The following PLCB1 variants were observed in gnomAD, a reference collection of about 807,000 sequenced individuals.
PLCB1 encodes the protein phospholipase C beta 1, also known as 1-phosphatidylinositol 4,5-bisphosphate phosphodiesterase beta-1.
Under a neutral mutation model 161.8 loss-of-function variants are expected in PLCB1, and 46 were observed. That is an observed-to-expected ratio of 0.28 (90% CI 0.22 to 0.36). PLCB1 has a LOEUF of 0.36. Ranked by LOEUF, PLCB1 falls within the 10% of genes least tolerant of loss-of-function variation. PLCB1 has a pLI of 1.00. For synonymous variants in PLCB1, 517 were observed against 503.7 expected, an observed-to-expected ratio of 1.03 and a Z score of -0.35; for missense variants, 1,016 against 1,472.5, an observed-to-expected ratio of 0.69 and a Z score of 5.07.
intron 2 of PLCB1, among the ~76,000 whole-genome samples, chr20:8,367,049 A>G (rs995942461): frequency 4.6e-5 from 7 of 152,210 alleles, no homozygotes; most frequent in African/African-American, 1.7e-4. Context: ...CTTGGATAGA[A>G]TATGATTTAA....
At chr20:8,384,625 G>C (rs1987367221) in intron 3 of PLCB1, among the ~76,000 whole-genome samples, 1 of 151,918 alleles carries the variant, frequency 6.6e-6, no homozygotes, top group Non-Finnish European at 1.5e-5. Context: ...GGTTTTCAGT[G>C]TTTTTTTGTT....
At chr20:8,800,088 T>C (rs930823773) in intron 31 of PLCB1, among the ~76,000 whole-genome samples, 5 of 152,202 alleles carry the variant, frequency 3.3e-5, no homozygotes, top group Non-Finnish European at 7.3e-5. Flanking sequence ...TACTAGATGC[T>C]TTGAGATATT....
intron 2 of PLCB1, among the ~76,000 whole-genome samples, chr20:8,171,494 CA>C (rs2051732831): frequency 6.6e-6 from 1 of 152,014 alleles, no homozygotes; most frequent in Non-Finnish European, 1.5e-5. Flanking sequence ...CTCTGAACCC[CA>C]TCTGCCTGGG....
intron 2 of PLCB1, among the ~76,000 whole-genome samples, chr20:8,348,260 C>A (rs1254895898): frequency 6.6e-6 from 1 of 152,176 alleles, no homozygotes. Flanking sequence ...ACAGAACATG[C>A]AACTTTTGCT....
At chr20:8,531,800 G>A (rs972004160) in intron 3 of PLCB1, among the ~76,000 whole-genome samples, 8 of 151,252 alleles carry the variant, frequency 5.3e-5, no homozygotes, top group African/African-American at 1.9e-4. Flanking sequence ...TGAAAAAGTT[G>A]TGATGATGTT....
At chr20:8,228,089 G>C (rs1013467869) in intron 2 of PLCB1, among the ~76,000 whole-genome samples, 9 of 152,104 alleles carry the variant, frequency 5.9e-5, no homozygotes, top group Non-Finnish European at 1.0e-4. Context: ...AACCTGGGTG[G>C]GGGAGGTTGT....
chr20:8,750,747 T>G (rs1981414723), intron 23 of PLCB1: 1 of 829,912 alleles, frequency 1.2e-6, no homozygotes, highest in Admixed American at 2.4e-5. Flanking sequence ...AAGCTCCTCC[T>G]TAAGGGAAAG....
intron 2 of PLCB1, among the ~76,000 whole-genome samples, chr20:8,358,234 C>T (rs569040678): frequency 6.7e-6 from 1 of 150,036 alleles, no homozygotes; most frequent in South Asian, 2.1e-4. Context: ...TGGCATGGCC[C>T]ATGGTTTGTC....
At chr20:8,572,058 T>C (rs1169001980) in intron 3 of PLCB1, among the ~76,000 whole-genome samples, 1 of 152,162 alleles carries the variant, frequency 6.6e-6, no homozygotes, top group Non-Finnish European at 1.5e-5. Flanking sequence ...TTATTACGAG[T>C]TTTAACATTC....
At chr20:8,141,089 C>T (rs918844177) in intron 1 of PLCB1, among the ~76,000 whole-genome samples, 12 of 152,120 alleles carry the variant, frequency 7.9e-5, no homozygotes, top group Non-Finnish European at 1.8e-4. Flanking sequence ...AGCCACCGAA[C>T]GTGGCCAACA....
intron 3 of PLCB1, among the ~76,000 whole-genome samples, chr20:8,407,188 TAAG>T (rs1978821735): frequency 6.6e-6 from 1 of 152,010 alleles, no homozygotes; most frequent in Non-Finnish European, 1.5e-5. Context: ...TGTGAGCAAA[TAAG>T]AAATCTTTCA....
intron 2 of PLCB1, among the ~76,000 whole-genome samples, chr20:8,287,440 C>G (rs1451186334): frequency 6.6e-6 from 1 of 152,110 alleles, no homozygotes; most frequent in African/African-American, 2.4e-5. Context: ...AATACCTCAT[C>G]TTGTCCCCAG....
At chr20:8,679,630 A>G (rs1023595326) in intron 9 of PLCB1, among the ~76,000 whole-genome samples, 1 of 152,144 alleles carries the variant, frequency 6.6e-6, no homozygotes, top group African/African-American at 2.4e-5. Flanking sequence ...CTTTAGGAGC[A>G]TTGTTTTTTC....
rs540810259 is a variant in PLCB1, at chr20:8,668,128, A to C, written c.862+9424A>C. Among the ~76,000 whole-genome samples the C allele has an allele frequency of 2.0e-5, 3 of 152,132 alleles. No individual in the cohort carries two copies. In the East Asian group the frequency reaches 5.8e-4, roughly 29 times the overall value. ...GATACAACAGATAAGTGGGAGGGAAATAGGTCGAATGCAGAAAAAAAAAAA... is the reference window on the plus strand; with the variant it reads ...GATACAACAGATAAGTGGGAGGGAACTAGGTCGAATGCAGAAAAAAAAAAA... On this transcript the variant is annotated intron_variant, in intron 9 of 31. Transcript: ENST00000338037.
At chr20:8,326,347 T>A (rs1253871605) in intron 2 of PLCB1, among the ~76,000 whole-genome samples, 5 of 152,208 alleles carry the variant, frequency 3.3e-5, no homozygotes. Flanking sequence ...ACCCATGTCC[T>A]GAGTGTAAGA....
chr20:8,223,322 A>G lies in PLCB1; in HGVS notation c.177+72951A>G, dbSNP rs2123167302. On this transcript the variant is annotated intron_variant, in intron 2 of 31. Transcript: ENST00000338037. Reference sequence around the variant, plus strand: ...CTGTAAGATCACTCTGTCCTGAGTAAGACTTGAAGACTCATTTTTACCATC... The same window carrying G: ...CTGTAAGATCACTCTGTCCTGAGTAGGACTTGAAGACTCATTTTTACCATC... 1.3e-5 allele frequency among the ~76,000 whole-genome samples: 2 copies of G among 152,262 alleles called. 1 individual carries two copies.
At chr20:8,762,046 A>G (rs1050877186) in intron 25 of PLCB1, among the ~76,000 whole-genome samples, 10 of 151,520 alleles carry the variant, frequency 6.6e-5, no homozygotes, top group African/African-American at 1.9e-4. Flanking sequence ...CCCCATCTCT[A>G]CTAAATATTA....
intron 2 of PLCB1, among the ~76,000 whole-genome samples, chr20:8,234,676 C>A (rs2123191178): frequency 6.6e-6 from 1 of 152,098 alleles, no homozygotes; most frequent in South Asian, 2.1e-4. Context: ...ATCCAGATTT[C>A]TTTTTTTGCC....
At chr20:8,499,500 A>G (rs1983314516) in intron 3 of PLCB1, among the ~76,000 whole-genome samples, 1 of 152,242 alleles carries the variant, frequency 6.6e-6, no homozygotes, top group Admixed American at 6.5e-5. Context: ...TGTTCAATGA[A>G]GAGAAGATAA....
Sources: allele counts gnomAD v4.1 joint callset (sites outside exome capture counted in the v4.1 genomes callset), GRCh38; gene constraint gnomAD v4.1.1; transcripts MANE v1.5; gene names NCBI Gene and HGNC (gene_info 2026-07-23, HGNC 2026-07-21).